Variants in DPYD observed in about 807,000 individuals in gnomAD.
DPYD encodes the protein dihydropyrimidine dehydrogenase [NADP(+)].
A neutral mutation model predicts 116.2 loss-of-function variants in DPYD; 109 were observed. The ratio of observed to expected loss-of-function variants is 0.94; its 90% CI spans 0.80 to 1.10. DPYD has a LOEUF of 1.10. Among genes scored for constraint, DPYD ranks in the 50% least tolerant of loss-of-function variants. The pLI is 0.00. For synonymous variants in DPYD, 440 were observed against 432.0 expected (o/e 1.02, Z -0.23); for missense variants, 1,302 against 1,254.5 (o/e 1.04, Z -0.57).
intron 13 of DPYD, 98 bp from the exon 14 acceptor site, chr1:97,450,321 C>T (rs1486450449): frequency 9.8e-6 from 13 of 1,325,668 alleles, no homozygotes; most frequent in African/African-American, 1.5e-5. Flanking sequence ...TTATGAGGTC[C>T]CTTCTCACAT....
chr1:97,534,055 T>C (rs528206320), intron 12 of DPYD, among the ~76,000 whole-genome samples: 4 of 152,266 alleles, frequency 2.6e-5, no homozygotes, highest in African/African-American at 9.6e-5. Flanking sequence ...GGTGTCCTCA[T>C]AATCTAAAAC....
At chr1:97,361,433 A>T (rs138372200) in intron 16 of DPYD, among the ~76,000 whole-genome samples, 2,482 of 152,336 alleles carry the variant, frequency 0.016, 34 homozygotes, top group Non-Finnish European at 0.026. Context: ...AAAATGAGGG[A>T]ATCCTCCGTA....
At chr1:97,176,868 A>ATGTGTGTGTGTGTGTGTGTGTG (rs10677535) in intron 20 of DPYD, among the ~76,000 whole-genome samples, 3,806 of 146,574 alleles carry the variant, frequency 0.026, 77 homozygotes, top group Middle Eastern at 0.05. Flanking sequence ...GGACAAAAAA[A>ATGTGTGTGTGTGTGTGTGTGTG]TGTGTGTGTG....
intron 1 of DPYD, among the ~76,000 whole-genome samples, chr1:97,896,575 C>T (rs927955338): frequency 1.3e-5 from 2 of 151,796 alleles, no homozygotes; most frequent in Admixed American, 1.3e-4. Context: ...ACATGATTCA[C>T]CTATTTTAAG....
intron 13 of DPYD, among the ~76,000 whole-genome samples, chr1:97,464,569 A>C (rs1225312510): frequency 6.6e-6 from 1 of 152,154 alleles, no homozygotes; most frequent in Non-Finnish European, 1.5e-5. Flanking sequence ...GTGCCCCAGC[A>C]ACCCCAGCCA....
chr1:97,305,302 T>C lies in DPYD; in HGVS notation c.2256A>G (p.Pro752=), dbSNP rs751746604. ...MGLKSDGTPW[P]AVGIAKRTTY... is the part of the protein sequence containing the mutation. The stretch of plus-strand genomic sequence containing the variant: ...TAGTTCGCTTTGCAATCCCCACTGC[T>C]GGCCAAGGTGTGCCATCAGATTTTA... Residue 752 remains proline (P), a synonymous_variant, in exon 18 of 23, where the codon CCA becomes CCG. Coordinates refer to ENST00000370192, the MANE Select transcript of DPYD (RefSeq NM_000110.4). 2.0e-5 allele frequency: 33 copies of C among 1,612,418 alleles called. No individual in the cohort carries two copies. Among genetic ancestry groups the C allele is most frequent in the Non-Finnish European group, 2.8e-5 (33 of 1,178,982 alleles).
rs567726488 is a variant in DPYD at position 97,514,129 on chromosome 1, T to C, written c.1740+1597A>G. On this transcript the variant is annotated intron_variant, in intron 13 of 22. Coordinates refer to ENST00000370192, the MANE Select transcript of DPYD (RefSeq NM_000110.4). ...TGAACCAGCATCACACACTTCTAAA[T>C]TGATAGATTAAATTCAAATTGGAGG... The C allele has an allele frequency of 1.8e-3, 1,618 of 881,936 alleles. 2 individuals are homozygous for C. The highest frequency in any genetic ancestry group is 2.1e-3 in the Non-Finnish European group (1,525 of 736,270). The allele number at this position is 881,936 out of a possible 1,614,324, so 54.6% of individuals were successfully genotyped here.
intron 20 of DPYD, among the ~76,000 whole-genome samples, chr1:97,133,998 C>CAAAAAAAAAAAAAAAAAAA (rs1208967697): frequency 1.2e-4 from 2 of 17,240 alleles, no homozygotes; most frequent in Admixed American, 5.8e-4. Flanking sequence ...GACTCTGTTT[C>CAAAAAAAAAAAAAAAAAAA]AAAAAAAAAA....
At chr1:97,376,039 C>T (rs866925476) in intron 15 of DPYD, among the ~76,000 whole-genome samples, 1 of 152,210 alleles carries the variant, frequency 6.6e-6, no homozygotes, top group African/African-American at 2.4e-5. Context: ...AGATACTTTA[C>T]TATGTCCTTT....
At position 97,193,366 on chromosome 1, in the gene DPYD, G is replaced by A. The variant is rs1658522050; in HGVS notation, c.2443-118C>T. Reference sequence around the variant, plus strand: ...ATGTGCCAGGCACTGTTTGAGGCATGATGGATCAGTAGCCGTCTGGAGATG... The same window carrying A: ...ATGTGCCAGGCACTGTTTGAGGCATAATGGATCAGTAGCCGTCTGGAGATG... On this transcript the variant is annotated intron_variant, in intron 19 of 22. Coordinates refer to ENST00000370192, the MANE Select transcript of DPYD (RefSeq NM_000110.4). The A allele has an allele frequency of 2.7e-5, 28 of 1,056,256 alleles. No individual in the cohort carries two copies. The South Asian group carries it at 3.7e-4, about 14-fold the overall frequency. 65.4% of individuals were successfully genotyped at this position (1,056,256 alleles called of 1,614,324 possible). A position where few individuals can be genotyped will look rare whatever the true frequency, so the allele number is the denominator to read the frequency against.
chr1:97,602,594 CT>C (rs1422005360), intron 8 of DPYD, among the ~76,000 whole-genome samples: 7 of 151,782 alleles, frequency 4.6e-5, no homozygotes, highest in Non-Finnish European at 8.9e-5. Context: ...TTTTTACTTC[CT>C]TTATACATTT....
chr1:97,820,044 G>A (rs1238276731), intron 3 of DPYD, among the ~76,000 whole-genome samples: 3 of 151,946 alleles, frequency 2.0e-5, no homozygotes, highest in African/African-American at 4.8e-5. Flanking sequence ...AAAATTACTC[G>A]GTTCATGGTT....
intron 19 of DPYD, among the ~76,000 whole-genome samples, chr1:97,206,339 G>C (rs1419887947): frequency 6.6e-6 from 1 of 151,720 alleles, no homozygotes; most frequent in Non-Finnish European, 1.5e-5. Flanking sequence ...AATTTACTTA[G>C]GTTACTTATT....
chr1:97,592,795 G>T (rs1654612562), intron 10 of DPYD, among the ~76,000 whole-genome samples: 1 of 152,132 alleles, frequency 6.6e-6, no homozygotes. Context: ...CTGAAAGTAT[G>T]ACCAAGGTAT....
chr1:97,828,849 A>G (rs1237179071), intron 2 of DPYD, among the ~76,000 whole-genome samples: 5 of 152,004 alleles, frequency 3.3e-5, no homozygotes, highest in African/African-American at 7.2e-5. Flanking sequence ...TTTAAGATTG[A>G]GTAAATATGA....
chr1:97,593,128 T>C (rs1170454273), intron 10 of DPYD, 90 bp downstream of exon 10: 2 of 1,478,290 alleles, frequency 1.4e-6, no homozygotes, highest in Non-Finnish European at 1.9e-6. Flanking sequence ...ATTTGACAAT[T>C]TCAACATTCT....
At chr1:97,522,345 G>A (rs1253039756) in intron 12 of DPYD, among the ~76,000 whole-genome samples, 2 of 152,124 alleles carry the variant, frequency 1.3e-5, no homozygotes, top group African/African-American at 4.8e-5. Context: ...GGCTGTACAT[G>A]TTAATTTTCT....
chr1:97,381,561 T>C (rs1365483693), intron 15 of DPYD, among the ~76,000 whole-genome samples: 1 of 152,160 alleles, frequency 6.6e-6, no homozygotes, highest in Non-Finnish European at 1.5e-5. Context: ...TAAGTCCCAG[T>C]AGTAATTTTT....
intron 7 of DPYD, among the ~76,000 whole-genome samples, chr1:97,682,163 T>G (rs1367084905): frequency 6.6e-6 from 1 of 152,008 alleles, no homozygotes; most frequent in Non-Finnish European, 1.5e-5. Flanking sequence ...CTGATTCTAC[T>G]CTAATACACA....
Sources: gnomAD v4.1 joint callset for allele counts (sites outside exome capture counted in the v4.1 genomes callset) on GRCh38, gnomAD v4.1.1 for gene constraint, MANE v1.5 for transcripts, NCBI Gene and HGNC (gene_info 2026-07-23, HGNC 2026-07-21) for gene names.